ITSN1: variants seen among roughly 807,000 people sequenced by gnomAD.
The protein encoded by ITSN1 is intersectin-1.
A neutral mutation model predicts 239.8 loss-of-function variants in ITSN1; 58 were observed. The ratio of observed to expected loss-of-function variants is 0.24; its 90% CI spans 0.20 to 0.30. The LOEUF (loss-of-function observed/expected upper bound fraction) is 0.30, where lower values mean the gene tolerates loss of function less well. Among genes scored for constraint, ITSN1 ranks in the 10% least tolerant of loss-of-function variants. ITSN1 has a pLI of 1.00. For synonymous variants in ITSN1, 780 were observed against 770.8 expected, an observed-to-expected ratio of 1.01 and a Z score of -0.20; for missense variants, 1,558 against 2,103.3, an observed-to-expected ratio of 0.74 and a Z score of 5.07.
intron 33 of ITSN1, among the ~76,000 whole-genome samples, chr21:33,871,172 G>A (rs1005663408): frequency 8.6e-5 from 13 of 151,032 alleles, no homozygotes; most frequent in African/African-American, 3.2e-4. Flanking sequence ...TTATTCTGGG[G>A]AACAACGTAT....
chr21:33,819,719 A>C (rs1172526103), intron 24 of ITSN1, among the ~76,000 whole-genome samples: 1 of 151,792 alleles, frequency 6.6e-6, no homozygotes, highest in African/African-American at 2.4e-5. Context: ...GCGGTGGCTC[A>C]CGCCTGTAAT....
intron 20 of ITSN1, among the ~76,000 whole-genome samples, chr21:33,803,366 A>G (rs1056681290): frequency 6.6e-6 from 1 of 152,200 alleles, no homozygotes; most frequent in Non-Finnish European, 1.5e-5. Context: ...ATGCACAAAT[A>G]TGTGTGTACA....
intron 33 of ITSN1, among the ~76,000 whole-genome samples, chr21:33,870,278 G>A (rs902716391): frequency 2.6e-5 from 4 of 152,138 alleles, no homozygotes; most frequent in Admixed American, 6.5e-5. Context: ...ATGTTTAATT[G>A]CAAATTGAAG....
chr21:33,734,607 A>G (rs1349031546), intron 4 of ITSN1, among the ~76,000 whole-genome samples: 6 of 152,206 alleles, frequency 3.9e-5, no homozygotes, highest in African/African-American at 1.4e-4. Context: ...CAATATTAAC[A>G]TTCCGCTTCT....
At chr21:33,854,460 G>A (rs1035342008) in intron 29 of ITSN1, among the ~76,000 whole-genome samples, 5 of 152,210 alleles carry the variant, frequency 3.3e-5, no homozygotes, top group South Asian at 4.1e-4. Flanking sequence ...CCTGAGGCCC[G>A]GGCCCTTTCA....
At chr21:33,718,920 A>G in intron 2 of ITSN1, 64 bp downstream of exon 2, 3 of 1,252,420 alleles carry the variant, frequency 2.4e-6, no homozygotes, top group Non-Finnish European at 3.5e-6. Flanking sequence ...ACTTGATATT[A>G]TGGCAAATTT....
chr21:33,882,509 G>A lies in ITSN1; in HGVS notation c.4554+54G>A. On this transcript the variant is annotated intron_variant, in intron 35 of 39. Coordinates refer to ENST00000381318, the MANE Select transcript of ITSN1 (RefSeq NM_003024.3). This position sits in a 1 kb window ranked among gnomAD's most constrained non-coding sequence, Gnocchi z 4.5. ...CAGGGTTGACGTGTTTGGGGAGGAA[G>A]AAGTTTCCAAAAAGGAGGTAGAGTT... The A allele has an allele frequency of 5.3e-6, 8 of 1,510,682 alleles. No individual in the cohort carries two copies. The Admixed American group carries it at 7.3e-5, about 14-fold the overall frequency. The allele number at this position is 1,510,682 out of a possible 1,614,324, so 93.6% of individuals were successfully genotyped here.
At position 33,829,660 on chromosome 21, in the gene ITSN1, G is replaced by A. The variant is rs767729155; in HGVS notation, c.3266G>A (p.Gly1089Asp). Residue 1089 changes from glycine (G) to aspartate (D), a missense_variant, in exon 27 of 40, where the codon GGC becomes GAC. Transcript: ENST00000381318. ...AQVIASYTAT[G>D]PEQLTLAPGQ... is the part of the protein sequence containing the mutation. ...GTTATTGCCTCATACACCGCCACCG[G>A]CCCCGAGCAGCTCACTCTCGCCCCT... 3 of 1,612,256 alleles carry A rather than the reference G, an allele frequency of 1.9e-6. No homozygotes were observed. The East Asian group carries it at 6.7e-5, about 36-fold the overall frequency.
intron 29 of ITSN1, among the ~76,000 whole-genome samples, chr21:33,843,408 C>A (rs768864993): frequency 3.9e-5 from 6 of 152,138 alleles, no homozygotes; most frequent in Non-Finnish European, 8.8e-5. Context: ...CATGCTGACC[C>A]GCCCCAGCCC....
chr21:33,692,650 G>A (rs1436385612), intron 1 of ITSN1, among the ~76,000 whole-genome samples: 5 of 151,898 alleles, frequency 3.3e-5, no homozygotes, highest in African/African-American at 4.8e-5. Flanking sequence ...TTCTGAATTT[G>A]ACTAAATTTA....
intron 1 of ITSN1, among the ~76,000 whole-genome samples, chr21:33,662,710 A>G (rs1198829274): frequency 1.3e-5 from 2 of 152,186 alleles, no homozygotes; most frequent in Admixed American, 1.3e-4. Flanking sequence ...CTCATATAAA[A>G]TGTGCTTTAG....
chr21:33,822,841 A>G (rs1417030110), intron 24 of ITSN1, among the ~76,000 whole-genome samples: 1 of 152,218 alleles, frequency 6.6e-6, no homozygotes, highest in East Asian at 1.9e-4. Context: ...CTCTTGAATG[A>G]CAACTAGATG....
chr21:33,732,256 A>C (rs957508809), intron 4 of ITSN1, among the ~76,000 whole-genome samples: 1 of 152,200 alleles, frequency 6.6e-6, no homozygotes, highest in Non-Finnish European at 1.5e-5. Flanking sequence ...CTCCTTTATC[A>C]GTCTTAAGGC....
chr21:33,768,862 C>T (rs2068909769), intron 11 of ITSN1, among the ~76,000 whole-genome samples: 1 of 152,192 alleles, frequency 6.6e-6, no homozygotes, highest in South Asian at 2.1e-4. Context: ...ATTTTACGTG[C>T]AAGCCTGCAT....
At chr21:33,645,325 A>G (rs956108910) in intron 1 of ITSN1, among the ~76,000 whole-genome samples, 1 of 152,130 alleles carries the variant, frequency 6.6e-6, no homozygotes, top group Admixed American at 6.6e-5. Context: ...GATCACTTAC[A>G]TCAGCATTAA....
At chr21:33,675,497 G>A (rs1462901674) in intron 1 of ITSN1, among the ~76,000 whole-genome samples, 3 of 152,094 alleles carry the variant, frequency 2.0e-5, no homozygotes, top group East Asian at 3.9e-4. Context: ...AACCCGGGAC[G>A]GGGAGCTTAC....
Position 33,826,832 on chromosome 21 carries a change from T to C in ITSN1, c.3198T>C (p.Ala1066=). The C allele has an allele frequency of 1.2e-6, 2 of 1,614,000 alleles. No individual in the cohort carries two copies. The highest frequency in any genetic ancestry group is 1.7e-6 in the Non-Finnish European group (2 of 1,179,870). The part of the protein sequence containing the change: ...RLKDSEGSGT[A]GKTGSLGKKP... ...TCTGTTTTAAGGGCTCTGGAACTGC[T>C]GGGAAAACAGGGAGTTTAGGAAAAA... The change falls in exon 26 of 40, where the codon GCT becomes GCC. Residue 1066 remains alanine, a synonymous_variant. Transcript: ENST00000381318.
chr21:33,877,074 A>ATTTTTTTTTTTTTTTTTTTTT (rs1984059511), intron 34 of ITSN1, among the ~76,000 whole-genome samples: 2 of 125,522 alleles, frequency 1.6e-5, no homozygotes, highest in Non-Finnish European at 3.2e-5. Flanking sequence ...TTTTTTTTGA[A>ATTTTTTTTTTTTTTTTTTTTT]ATGGAGTCTC....
At chr21:33,771,792 G>A (rs1266745198) in intron 11 of ITSN1, among the ~76,000 whole-genome samples, 1 of 152,202 alleles carries the variant, frequency 6.6e-6, no homozygotes, top group African/African-American at 2.4e-5. Flanking sequence ...AAAGGATGGA[G>A]TAACAGGGAA....
Sources: gnomAD v4.1 joint callset for allele counts (sites outside exome capture counted in the v4.1 genomes callset) on GRCh38, gnomAD v4.1.1 for gene constraint, Gnocchi (gnomAD v3.1) non-coding constraint, MANE v1.5 for transcripts, NCBI Gene and HGNC (gene_info 2026-07-23, HGNC 2026-07-21) for gene names.